The following ROR1 variants were observed in gnomAD, a reference collection of about 807,000 sequenced individuals.
ROR1 encodes inactive tyrosine-protein kinase transmembrane receptor ROR1.
In ROR1, 19 loss-of-function variants were observed where a neutral mutation model predicts 78.8. The ratio of observed to expected loss-of-function variants is 0.24; its 90% CI spans 0.17 to 0.35. The LOEUF (loss-of-function observed/expected upper bound fraction) is 0.35. Ranked by LOEUF, ROR1 falls within the 10% of genes least tolerant of loss-of-function variation. The pLI, the probability that ROR1 is intolerant of heterozygous loss-of-function variation, is 1.00. For synonymous variants in ROR1, 386 were observed against 433.6 expected (o/e 0.89, Z 1.36); for missense variants, 917 against 1,177.8 (o/e 0.78, Z 3.24).
At chr1:64,143,432 T>C (rs1404644085) in intron 7 of ROR1, 1 of 978,314 alleles carries the variant, frequency 1.0e-6, no homozygotes. Flanking sequence ...CTAATTCATC[T>C]TCCTGATCCT....
At position 64,089,450 on chromosome 1, in the gene ROR1, A is replaced by G. The variant is rs1647178525; in HGVS notation, c.482+38734A>G. 2.6e-5 allele frequency among the ~76,000 whole-genome samples: 4 copies of G among 152,200 alleles called. No individual in the cohort carries two copies. In the South Asian group the frequency reaches 6.2e-4, roughly 24 times the overall value. ...GGCCTTGAACTCCTGGGCTCAAGTG[A>G]TACACCCACCTCAGCCTCCCAAATT... On this transcript the variant is annotated intron_variant, in intron 4 of 8. Transcript: ENST00000371079.
chr1:63,835,856 C>T (rs1163028083), intron 1 of ROR1, among the ~76,000 whole-genome samples: 6 of 152,270 alleles, frequency 3.9e-5, no homozygotes, highest in East Asian at 3.9e-4. Flanking sequence ...TTGAGACAAC[C>T]GTCTCCTTTT....
intron 1 of ROR1, among the ~76,000 whole-genome samples, chr1:63,826,937 A>G (rs1008676893): frequency 1.3e-5 from 2 of 152,064 alleles, no homozygotes; most frequent in Non-Finnish European, 2.9e-5. Context: ...TATTGGCCAC[A>G]TGATAGACTG....
At chr1:64,032,265 C>T (rs914181965) in intron 2 of ROR1, among the ~76,000 whole-genome samples, 3 of 147,874 alleles carry the variant, frequency 2.0e-5, no homozygotes, top group South Asian at 2.2e-4. Context: ...GGTGTGAACC[C>T]GGGAGGAGGA....
At chr1:64,144,492 G>A (rs1358794605) in intron 7 of ROR1, among the ~76,000 whole-genome samples, 2 of 152,210 alleles carry the variant, frequency 1.3e-5, no homozygotes, top group African/African-American at 2.4e-5. Context: ...CTCTGGGTCA[G>A]GGGCAGTAGC....
intron 1 of ROR1, among the ~76,000 whole-genome samples, chr1:63,996,305 G>C (rs1038530010): frequency 4.6e-5 from 7 of 152,144 alleles, no homozygotes; most frequent in Admixed American, 1.3e-4. Flanking sequence ...AAAGGCTCTG[G>C]GAAGAGATTC....
intron 1 of ROR1, among the ~76,000 whole-genome samples, chr1:63,923,113 T>C (rs901765363): frequency 4.6e-5 from 7 of 152,186 alleles, no homozygotes; most frequent in Non-Finnish European, 8.8e-5. Flanking sequence ...GGGCGACTGA[T>C]GTAAAACAGA....
intron 1 of ROR1, among the ~76,000 whole-genome samples, chr1:63,804,124 G>T (rs562993977): frequency 6.6e-6 from 1 of 152,102 alleles, no homozygotes; most frequent in Non-Finnish European, 1.5e-5. Flanking sequence ...GGACTCAGGA[G>T]GGGGGCGTCC....
At chr1:64,147,120 G>T (rs1649497677) in intron 7 of ROR1, among the ~76,000 whole-genome samples, 1 of 152,166 alleles carries the variant, frequency 6.6e-6, no homozygotes, top group East Asian at 1.9e-4. Context: ...TCCATTATAT[G>T]ATATGACATC....
At chr1:63,976,862 A>T (rs7526863) in intron 1 of ROR1, among the ~76,000 whole-genome samples, 10,356 of 152,286 alleles carry the variant, frequency 0.068, 434 homozygotes, top group Middle Eastern at 0.095. Context: ...AAAATTCATT[A>T]TGTTTCATAT....
chr1:63,871,965 C>G (rs1464242791), intron 1 of ROR1, among the ~76,000 whole-genome samples: 1 of 152,208 alleles, frequency 6.6e-6, no homozygotes, highest in East Asian at 1.9e-4. Context: ...CCCTAATTTA[C>G]ACTAATGAGA....
At chr1:64,042,901 G>A (rs1448401261) in intron 2 of ROR1, among the ~76,000 whole-genome samples, 1 of 152,234 alleles carries the variant, frequency 6.6e-6, no homozygotes, top group Non-Finnish European at 1.5e-5. Context: ...TGACCTAACT[G>A]TGTTTGGCAG....
intron 5 of ROR1, among the ~76,000 whole-genome samples, chr1:64,139,292 C>G (rs968041778): frequency 6.8e-6 from 1 of 147,884 alleles, no homozygotes; most frequent in East Asian, 2.0e-4. Context: ...TTTTTAAATT[C>G]ATTTACCTTT....
intron 1 of ROR1, among the ~76,000 whole-genome samples, chr1:63,990,102 C>A (rs561508932): frequency 1.3e-5 from 2 of 152,218 alleles, no homozygotes; most frequent in Non-Finnish European, 2.9e-5. Context: ...TAGCACCCAG[C>A]AGGCATGAAG....
At chr1:64,051,476 ATAAAATAAAAT>A (rs1646831180) in intron 4 of ROR1, among the ~76,000 whole-genome samples, 1 of 143,404 alleles carries the variant, frequency 7.0e-6, no homozygotes, top group African/African-American at 2.8e-5. Context: ...ATAAAATAAA[ATAAAATAAAAT>A]AAAATAAAAT....
At chr1:63,997,878 C>T (rs1383836346) in intron 1 of ROR1, among the ~76,000 whole-genome samples, 1 of 151,512 alleles carries the variant, frequency 6.6e-6, no homozygotes, top group Non-Finnish European at 1.5e-5. Context: ...ACTGCTACTT[C>T]GCTAAAAGTT....
rs554950232 is a variant in ROR1 at position 63,922,008 on chromosome 1, A to T, written c.92-87297A>T. 2.0e-5 allele frequency among the ~76,000 whole-genome samples: 3 copies of T among 152,296 alleles called. No homozygotes were observed. In the East Asian group the frequency reaches 5.8e-4, roughly 29 times the overall value. On this transcript the variant is annotated intron_variant, in intron 1 of 8. Coordinates refer to ENST00000371079, the MANE Select transcript of ROR1 (RefSeq NM_005012.4). ...GTTTATGTCTCTCTGAGGGCTTGTT[A>T]TGCTTCTCAGCCTATTCTGTATTCA... is the stretch of plus-strand genomic sequence containing the variant.
chr1:64,028,412 G>C (rs999012024), intron 2 of ROR1, among the ~76,000 whole-genome samples: 1 of 152,112 alleles, frequency 6.6e-6, no homozygotes, highest in Non-Finnish European at 1.5e-5. Context: ...GGATGCATGG[G>C]CGTTTGCTAA....
chr1:63,915,644 A>G (rs1645603220), intron 1 of ROR1, among the ~76,000 whole-genome samples: 1 of 151,994 alleles, frequency 6.6e-6, no homozygotes, highest in Non-Finnish European at 1.5e-5. Flanking sequence ...ATGATGGGAG[A>G]TGGTTGCTAG....
Sources: allele counts gnomAD v4.1 joint callset (sites outside exome capture counted in the v4.1 genomes callset), GRCh38; gene constraint gnomAD v4.1.1; transcripts MANE v1.5; gene names NCBI Gene and HGNC (gene_info 2026-07-23, HGNC 2026-07-21).